RARB: variants seen among roughly 807,000 people sequenced by gnomAD.
The protein encoded by RARB is retinoic acid receptor beta, also known as HBV-activated protein.
RARB carries 17 observed loss-of-function variants against 51.9 expected under a neutral mutation model. The observed-to-expected ratio is 0.33, with a 90% CI of 0.22 to 0.49. The LOEUF is 0.49. Ranked by LOEUF, RARB falls within the 20% of genes least tolerant of loss-of-function variation. The pLI is 0.99. For synonymous variants in RARB, 215 were observed against 195.4 expected (o/e 1.10, Z -0.84); for missense variants, 369 against 550.8 (o/e 0.67, Z 3.30).
At chr3:24,886,499 C>T (rs1703269481) in intron 2 of RARB, among the ~76,000 whole-genome samples, 1 of 150,126 alleles carries the variant, frequency 6.7e-6, no homozygotes, top group African/African-American at 2.5e-5. Flanking sequence ...GGATGATATG[C>T]AGTGGCATAA....
intron 2 of RARB, among the ~76,000 whole-genome samples, chr3:24,916,484 G>T (rs987954462): frequency 6.6e-6 from 1 of 152,046 alleles, no homozygotes; most frequent in South Asian, 2.1e-4. Context: ...ATGAAAGCCC[G>T]CATTGGTTAT....
intron 2 of RARB, among the ~76,000 whole-genome samples, chr3:24,945,613 A>C (rs1695756443): frequency 6.6e-6 from 1 of 152,216 alleles, no homozygotes; most frequent in South Asian, 2.1e-4. Flanking sequence ...TCTTTGAATG[A>C]ACGTATTTCC....
At chr3:25,238,182 T>A (rs886555603) in intron 5 of RARB, among the ~76,000 whole-genome samples, 1 of 151,594 alleles carries the variant, frequency 6.6e-6, no homozygotes, top group East Asian at 1.9e-4. Flanking sequence ...GTCTCTGGTA[T>A]CTAGGATTCT....
At chr3:25,080,101 C>T (rs898192695) in intron 3 of RARB, among the ~76,000 whole-genome samples, 2 of 152,178 alleles carry the variant, frequency 1.3e-5, no homozygotes, top group Non-Finnish European at 2.9e-5. Context: ...GCCATCCTCT[C>T]TCCCTCAGAC....
intron 4 of RARB, among the ~76,000 whole-genome samples, chr3:25,161,206 A>ATTG (rs1340856465): frequency 1.7e-5 from 2 of 118,770 alleles, no homozygotes; most frequent in Non-Finnish European, 3.4e-5. Flanking sequence ...TATTATTATT[A>ATTG]TTATTATTAT....
intron 2 of RARB, among the ~76,000 whole-genome samples, chr3:24,940,520 C>T (rs1207354815): frequency 6.6e-6 from 1 of 152,140 alleles, no homozygotes; most frequent in East Asian, 1.9e-4. Flanking sequence ...ACTGTCTGGC[C>T]AAGCAACAAC....
intron 5 of RARB, among the ~76,000 whole-genome samples, chr3:25,296,749 A>G (rs1026304258): frequency 6.6e-6 from 1 of 152,174 alleles, no homozygotes; most frequent in African/African-American, 2.4e-5. Context: ...CTGACCCATG[A>G]ACCGGTCCAT....
intron 1 of RARB, among the ~76,000 whole-genome samples, chr3:25,434,893 A>G (rs1708368671): frequency 6.6e-6 from 1 of 152,044 alleles, no homozygotes; most frequent in African/African-American, 2.4e-5. Context: ...ATCAGATGAC[A>G]ACATTGCTAA....
intron 5 of RARB, among the ~76,000 whole-genome samples, chr3:25,585,880 A>G (rs545268827): frequency 6.6e-6 from 1 of 152,192 alleles, no homozygotes; most frequent in Non-Finnish European, 1.5e-5. Context: ...TGTTGAACCC[A>G]GGCAAGCTGC....
intron 2 of RARB, among the ~76,000 whole-genome samples, chr3:25,489,203 G>A (rs1696608821): frequency 6.6e-6 from 1 of 152,090 alleles, no homozygotes; most frequent in South Asian, 2.1e-4. Context: ...CTTTTGCATT[G>A]GGGACCTATT....
chr3:25,096,275 T>A (rs1699290926), intron 3 of RARB, among the ~76,000 whole-genome samples: 1 of 152,080 alleles, frequency 6.6e-6, no homozygotes. Context: ...GGATGTTGAA[T>A]TAGGGGAGGA....
intron 2 of RARB, among the ~76,000 whole-genome samples, chr3:25,500,359 T>C (rs2125604027): frequency 6.6e-6 from 1 of 152,192 alleles, no homozygotes. Flanking sequence ...ATTTTAAATG[T>C]TGTGAGAGGA....
intron 2 of RARB, among the ~76,000 whole-genome samples, chr3:25,465,355 G>A (rs544070174): frequency 1.4e-4 from 22 of 152,296 alleles, no homozygotes; most frequent in African/African-American, 3.1e-4. Context: ...TTGTTGACCG[G>A]TAGAAACTGG....
chr3:24,879,695 G>T (rs925455978), intron 2 of RARB, among the ~76,000 whole-genome samples: 8 of 152,030 alleles, frequency 5.3e-5, no homozygotes, highest in Non-Finnish European at 1.0e-4. Flanking sequence ...TTCTTGACTT[G>T]AGGGATTTAG....
At chr3:25,258,841 G>T (rs1269335535) in intron 5 of RARB, among the ~76,000 whole-genome samples, 1 of 152,020 alleles carries the variant, frequency 6.6e-6, no homozygotes, top group Non-Finnish European at 1.5e-5. Context: ...ACTCTCTCTT[G>T]CAATAATTAA....
intron 2 of RARB, among the ~76,000 whole-genome samples, chr3:25,482,698 C>A (rs549736228): frequency 8.1e-4 from 123 of 151,668 alleles, no homozygotes; most frequent in African/African-American, 2.8e-3. Flanking sequence ...TGCCACCATG[C>A]CCGGCTATTT....
Position 24,982,241 on chromosome 3 carries a change from C to G in RARB, c.-379-77884C>G, listed in dbSNP as rs145769790. ...CTCTATTTTCTCTGGTTCTGCAACTCTCTGAGACCAGGCTGCAACTCTGAA... is the reference window on the plus strand; with the variant it reads ...CTCTATTTTCTCTGGTTCTGCAACTGTCTGAGACCAGGCTGCAACTCTGAA... On this transcript the variant is annotated intron_variant, in intron 2 of 11. Transcript: ENST00000383772. Among the ~76,000 whole-genome samples, 8 of 152,318 alleles carry G rather than the reference C, an allele frequency of 5.3e-5. No individual in the cohort carries two copies. In the East Asian group the frequency reaches 1.5e-3, roughly 29 times the overall value.
intron 5 of RARB, among the ~76,000 whole-genome samples, chr3:25,361,286 T>C (rs765487929): frequency 4.6e-5 from 7 of 152,240 alleles, no homozygotes; most frequent in African/African-American, 7.2e-5. Flanking sequence ...TTGATACTTG[T>C]GTATGCTTCA....
At chr3:25,028,165 G>A (rs1163829402) in intron 2 of RARB, among the ~76,000 whole-genome samples, 1 of 152,140 alleles carries the variant, frequency 6.6e-6, no homozygotes, top group Non-Finnish European at 1.5e-5. Flanking sequence ...CCCTAGACCA[G>A]CAATGTCTCC....
Sources: gnomAD v4.1 joint callset for allele counts (sites outside exome capture counted in the v4.1 genomes callset) on GRCh38, gnomAD v4.1.1 for gene constraint, MANE v1.5 for transcripts, NCBI Gene and HGNC (gene_info 2026-07-23, HGNC 2026-07-21) for gene names.